CACNG5: variants seen among roughly 807,000 people sequenced by gnomAD.
The protein encoded by CACNG5 is calcium voltage-gated channel auxiliary subunit gamma 5.
In CACNG5, 18 loss-of-function variants were observed where a neutral mutation model predicts 24.8. The observed-to-expected ratio is 0.73, with a 90% CI of 0.50 to 1.08. The LOEUF (loss-of-function observed/expected upper bound fraction) is 1.08. CACNG5 is among the 50% of genes least tolerant of loss of function. The pLI, the probability that CACNG5 is intolerant of heterozygous loss-of-function variation, is 0.00. For synonymous variants in CACNG5, 157 were observed against 149.1 expected (o/e 1.05, Z -0.39); for missense variants, 349 against 367.9 (o/e 0.95, Z 0.42).
chr17:66,866,286 A>T (rs1195917535), intron 1 of CACNG5, among the ~76,000 whole-genome samples: 1 of 151,876 alleles, frequency 6.6e-6, no homozygotes, highest in Non-Finnish European at 1.5e-5. Context: ...CCTTTTTAAA[A>T]TTTTTTTTGG....
At chr17:66,838,328 G>A (rs938618983) in intron 1 of CACNG5, among the ~76,000 whole-genome samples, 7 of 151,580 alleles carry the variant, frequency 4.6e-5, no homozygotes, top group African/African-American at 1.7e-4. Context: ...AGTTCGGCTG[G>A]GATCACCCTG....
At chr17:66,855,743 C>T (rs1202295009) in intron 1 of CACNG5, among the ~76,000 whole-genome samples, 10 of 152,112 alleles carry the variant, frequency 6.6e-5, no homozygotes, top group Non-Finnish European at 1.0e-4. Context: ...GTGATCTGCC[C>T]GCCTTGGCCT....
intron 1 of CACNG5, among the ~76,000 whole-genome samples, chr17:66,842,847 C>T (rs1976586410): frequency 6.6e-6 from 1 of 152,176 alleles, no homozygotes; most frequent in Non-Finnish European, 1.5e-5. Flanking sequence ...CTACAAGGAC[C>T]ACTCCTAGGG....
At chr17:66,861,197 G>A (rs1193603037) in intron 1 of CACNG5, among the ~76,000 whole-genome samples, 1 of 152,160 alleles carries the variant, frequency 6.6e-6, no homozygotes, top group Non-Finnish European at 1.5e-5. Context: ...GAGAAGCCAA[G>A]CTGTATTGAA....
At chr17:66,838,003 A>G (rs542765901) in intron 1 of CACNG5, among the ~76,000 whole-genome samples, 2 of 151,838 alleles carry the variant, frequency 1.3e-5, no homozygotes, top group Non-Finnish European at 2.9e-5. Context: ...CGAGAGGTGA[A>G]ATAGTCCCTG....
chr17:66,853,247 T>C (rs560877451), intron 1 of CACNG5, among the ~76,000 whole-genome samples: 1 of 152,346 alleles, frequency 6.6e-6, no homozygotes, highest in East Asian at 1.9e-4. Flanking sequence ...TGTTTATCTA[T>C]TCACCAGTTT....
At chr17:66,875,223 A>T (rs898745372) in intron 1 of CACNG5, among the ~76,000 whole-genome samples, 1 of 152,100 alleles carries the variant, frequency 6.6e-6, no homozygotes, top group African/African-American at 2.4e-5. Context: ...CTAGATACTC[A>T]TGCTAGATAC....
chr17:66,885,148 A>G lies in CACNG5; in HGVS notation c.736A>G (p.Ile246Val). 1 of 1,613,722 alleles carries G rather than the reference A, an allele frequency of 6.2e-7. No individual in the cohort carries two copies. The highest frequency in any genetic ancestry group is 8.5e-7 in the Non-Finnish European group (1 of 1,179,996). ...AWVRGRSPSDISSEASLQMNS... is the reference protein window; with the variant it reads ...AWVRGRSPSDVSSEASLQMNS... ...GGTCAGGGGCCGCAGCCCCTCCGAC[A>G]TCTCCAGCGAGGCCTCCCTGCAGAT... The change falls in exon 6 of 6, where the codon ATC becomes GTC. Residue 246 changes from isoleucine (I) to valine (V), a missense_variant. By Grantham distance (29) the Ile-to-Val change is conservative. Transcript: ENST00000533854.
At position 66,888,127 on chromosome 17, in the gene CACNG5, A is replaced by G. The variant is rs1254890518; in HGVS notation, c.*2887A>G. On this transcript the variant is annotated 3_prime_UTR_variant, in exon 6 of 6. Transcript: ENST00000533854. ...ATAAAATAACTTGGGGTAATCAGCC[A>G]TTAACAGAGAACAATCTGACATTGG... 6.6e-6 allele frequency among the ~76,000 whole-genome samples: 1 copy of G among 151,846 alleles called. No homozygotes were observed. Among genetic ancestry groups the G allele is most frequent in the East Asian group, 1.9e-4 (1 of 5,148 alleles).
intron 1 of CACNG5, among the ~76,000 whole-genome samples, chr17:66,849,179 T>A (rs190207794): frequency 8.7e-4 from 132 of 152,238 alleles, no homozygotes; most frequent in African/African-American, 3.1e-3. Flanking sequence ...TACAGAGACA[T>A]CATTCCCGGT....
At chr17:66,861,863 C>T (rs1209042833) in intron 1 of CACNG5, among the ~76,000 whole-genome samples, 5 of 152,200 alleles carry the variant, frequency 3.3e-5, no homozygotes, top group Admixed American at 1.3e-4. Flanking sequence ...TTGCCACCCC[C>T]GTTGCCACTA....
intron 2 of CACNG5, among the ~76,000 whole-genome samples, chr17:66,878,506 G>T (rs539555562): frequency 6.6e-6 from 1 of 152,334 alleles, no homozygotes; most frequent in Admixed American, 6.5e-5. Context: ...CTCAGACTGC[G>T]TGGCATTGGT....
chr17:66,894,221 C>T lies in CACNG5; in HGVS notation c.*8981C>T, dbSNP rs78501745. 2.9e-3 allele frequency among the ~76,000 whole-genome samples: 449 copies of T among 152,282 alleles called. 4 individuals are homozygous for T. The highest frequency in any genetic ancestry group is 9.9e-3 in the African/African-American group (413 of 41,558). Reference sequence around the variant, plus strand: ...GTCCCCATGCGTTGACTGCTCTCCCCGACCTCCAAGGACTCCTTTCAATCT... The same window carrying T: ...GTCCCCATGCGTTGACTGCTCTCCCTGACCTCCAAGGACTCCTTTCAATCT... On this transcript the variant is annotated 3_prime_UTR_variant, in exon 6 of 6. Transcript: ENST00000533854.
chr17:66,842,290 C>A (rs549067511), intron 1 of CACNG5, among the ~76,000 whole-genome samples: 1 of 152,344 alleles, frequency 6.6e-6, no homozygotes, highest in East Asian at 1.9e-4. Flanking sequence ...GCCCCAGGAC[C>A]TTAACCAAGT....
chr17:66,841,342 T>A (rs1976565112), intron 1 of CACNG5, among the ~76,000 whole-genome samples: 1 of 152,218 alleles, frequency 6.6e-6, no homozygotes, highest in African/African-American at 2.4e-5. Context: ...TTGAATAGAA[T>A]GGGAGGCAAG....
rs1283866895 is a variant in CACNG5, at chr17:66,849,757, A to C, written c.-104+14507A>C. On this transcript the variant is annotated intron_variant, in intron 1 of 5. Transcript: ENST00000533854. ...AAGGAGCCACGGAGGTCACAACCCC[A>C]TAGGAAAGCATTGGGTAAAACACTG... Among the ~76,000 whole-genome samples, 4 of 152,220 alleles carry C rather than the reference A, an allele frequency of 2.6e-5. No individual in the cohort carries two copies. In the East Asian group the frequency reaches 7.7e-4, roughly 29 times the overall value.
At chr17:66,858,178 T>G (rs1028352539) in intron 1 of CACNG5, among the ~76,000 whole-genome samples, 9 of 152,148 alleles carry the variant, frequency 5.9e-5, no homozygotes, top group Non-Finnish European at 8.8e-5. Context: ...AATCTCTGCC[T>G]CCTTCATCTA....
chr17:66,850,621 C>CACAA (rs1491034527), intron 1 of CACNG5, among the ~76,000 whole-genome samples: 1 of 151,594 alleles, frequency 6.6e-6, no homozygotes, highest in Non-Finnish European at 1.5e-5. Flanking sequence ...CACACACACA[C>CACAA]AATGCAGTTG....
rs900524146 is a variant in CACNG5, at chr17:66,835,208, G to A, written c.-146G>A. ...CCCGCCCCGCGCGCCCAGCCGGCGA[G>A]GGACATTGGACCAGGGTCGGGGGTC... On this transcript the variant is annotated 5_prime_UTR_variant, in exon 1 of 6. Coordinates refer to ENST00000533854, the MANE Select transcript of CACNG5 (RefSeq NM_145811.3). 2 of 152,382 alleles carry A rather than the reference G, an allele frequency of 1.3e-5. No homozygotes were observed. Among genetic ancestry groups the A allele is most frequent in the Admixed American group, 1.3e-4 (2 of 15,278 alleles). The allele number at this position is 152,382 out of a possible 1,614,324, so 9.4% of individuals were successfully genotyped here.
Sources: allele counts gnomAD v4.1 joint callset (sites outside exome capture counted in the v4.1 genomes callset), GRCh38; gene constraint gnomAD v4.1.1; transcripts MANE v1.5; gene names NCBI Gene and HGNC (gene_info 2026-07-23, HGNC 2026-07-21).